Variants in CELF3 observed in about 807,000 individuals in gnomAD.
CELF3 encodes CAG repeat domain.
CELF3 carries 26 observed loss-of-function variants against 59.6 expected under a neutral mutation model. The ratio of observed to expected loss-of-function variants is 0.44; its 90% CI spans 0.32 to 0.61. CELF3 has a LOEUF of 0.61. Among genes scored for constraint, CELF3 ranks in the 20% least tolerant of loss-of-function variants. The pLI is 0.06. For missense variants in CELF3, 387 were observed against 627.2 expected (o/e 0.62, Z 4.09); for synonymous variants, 245 against 250.7 (o/e 0.98, Z 0.22).
Position 151,707,523 on chromosome 1 carries a change from G to A in CELF3, c.756C>T (p.Pro252=). Residue 252 remains proline, a synonymous_variant, in exon 7 of 13, where the codon CCC becomes CCT. Coordinates refer to ENST00000290583, the MANE Select transcript of CELF3 (RefSeq NM_007185.7). ...AGGCCATACCTGAGGATGGGGTGAT[G>A]GGGGTGGCGATGAGGCCATTGGCAT... ...AINANGLIAT[P]ITPSSGTSTP... 4 of 1,610,416 alleles carry A rather than the reference G, an allele frequency of 2.5e-6. No individual in the cohort carries two copies. The highest frequency in any genetic ancestry group is 3.4e-6 in the Non-Finnish European group (4 of 1,179,794).
chr1:151,710,705 G>A (rs747882671), intron 2 of CELF3: 48 of 456,314 alleles, frequency 1.1e-4, no homozygotes, highest in East Asian at 8.3e-4. Context: ...CCCTGTGCAC[G>A]GAAGTCCTCC....
At chr1:151,706,155 C>T (rs992261120) in intron 10 of CELF3, 69 bp downstream of exon 10, 18 of 1,609,472 alleles carry the variant, frequency 1.1e-5, no homozygotes, top group South Asian at 4.4e-5. Flanking sequence ...CTGGGCTCAG[C>T]GCGGGGTGAC....
rs1341503462 is a variant in CELF3 at position 151,706,509 on chromosome 1, G to T, written c.989-148C>A. The stretch of plus-strand genomic sequence containing the variant: ...GGAAGGAGCTGCCTCAGACCCCTGG[G>T]TGTGCTGCCCTTAAAGACCCCTCCC... On this transcript the variant is annotated intron_variant, in intron 9 of 12. Coordinates refer to ENST00000290583, the MANE Select transcript of CELF3 (RefSeq NM_007185.7). The T allele has an allele frequency of 1.0e-5, 12 of 1,169,406 alleles. 1 individual carries two copies. The East Asian group carries it at 2.6e-4, about 25-fold the overall frequency. 72.4% of individuals were successfully genotyped at this position (1,169,406 alleles called of 1,614,324 possible). A position where few individuals can be genotyped will look rare whatever the true frequency, so the allele number is the denominator to read the frequency against.
rs188307157 is a variant in CELF3, at chr1:151,705,172, G to T, written c.1271-4C>A. 2 of 1,611,486 alleles carry T rather than the reference G, an allele frequency of 1.2e-6. No homozygotes were observed. Among genetic ancestry groups the T allele is most frequent in the African/African-American group, 2.7e-5 (2 of 74,994 alleles). Reference sequence around the variant, plus strand: ...GGATTGTCGAAACTCACAAAGCCTGGGGTGAGAGGGGCATAAGGCCCGGCC... The same window carrying T: ...GGATTGTCGAAACTCACAAAGCCTGTGGTGAGAGGGGCATAAGGCCCGGCC... On this transcript the variant is annotated splice_polypyrimidine_tract_variant and splice_region_variant and intron_variant, in intron 11 of 12. Coordinates refer to ENST00000290583, the MANE Select transcript of CELF3 (RefSeq NM_007185.7). The surrounding 1 kb of genome is among the most constrained non-coding windows in gnomAD (Gnocchi z 5.1).
chr1:151,703,798 T>C (rs964063675), intron 12 of CELF3, among the ~76,000 whole-genome samples: 1 of 147,910 alleles, frequency 6.8e-6, no homozygotes, highest in Non-Finnish European at 1.5e-5. Context: ...GAGAAGGGGG[T>C]GCGTGTAAGA....
Position 151,702,849 on chromosome 1 carries a change from G to GTC in CELF3, c.*608_*609dup. ...GTCTTTTCCTCGTGAAAGGAGGAGG[G>GTC]TCTCTGTGGCTGACTGGCAGAGAGG... On this transcript the variant is annotated 3_prime_UTR_variant, in exon 13 of 13. Coordinates refer to ENST00000290583, the MANE Select transcript of CELF3 (RefSeq NM_007185.7). 1 of 230,306 alleles carries GTC rather than the reference G, an allele frequency of 4.3e-6. No homozygotes were observed. The highest frequency in any genetic ancestry group is 4.7e-5 in the Admixed American group (1 of 21,148). The allele number at this position is 230,306 out of a possible 1,614,324, so 14.3% of individuals were successfully genotyped here.
Position 151,716,049 on chromosome 1 carries a change from G to A in CELF3, c.-29C>T, listed in dbSNP as rs1242528379. The A allele has an allele frequency of 6.3e-7, 1 of 1,586,090 alleles. No homozygotes were observed. The highest frequency in any genetic ancestry group is 1.3e-5 in the African/African-American group (1 of 74,204). On this transcript the variant is annotated 5_prime_UTR_variant, in exon 1 of 13. Transcript: ENST00000290583. ...GGCGGCCCAGGAGGAGGGGCCGAGGGGAGCAGGGAGAGGCCCAAAGGCCAA... is the reference window on the plus strand; with the variant it reads ...GGCGGCCCAGGAGGAGGGGCCGAGGAGAGCAGGGAGAGGCCCAAAGGCCAA...
chr1:151,707,704 C>G (rs1336009868), intron 6 of CELF3, 56 bp from the exon 7 acceptor site: 1 of 1,598,804 alleles, frequency 6.3e-7, no homozygotes, highest in African/African-American at 1.3e-5. Context: ...GCCTGGCTCC[C>G]TCCCAGCCCG....
In CELF3 at chr1:151,706,446, C is replaced by T. The variant is rs573446245; in HGVS notation, c.989-85G>A. 1.3e-4 allele frequency: 180 copies of T among 1,398,148 alleles called. No individual in the cohort carries two copies. In the African/African-American group the frequency reaches 2.4e-3, roughly 19 times the overall value. 86.6% of individuals were successfully genotyped at this position (1,398,148 alleles called of 1,614,324 possible). ...CCAACCCTGTCTCCCTTCCCCTAGC[C>T]CAGGCCAGTGGCACCTGCAGGGCTG... On this transcript the variant is annotated intron_variant, in intron 9 of 12. Coordinates refer to ENST00000290583, the MANE Select transcript of CELF3 (RefSeq NM_007185.7).
intron 2 of CELF3, chr1:151,712,133 T>G (rs964635319): frequency 6.6e-6 from 1 of 152,022 alleles, no homozygotes; most frequent in African/African-American, 2.4e-5. Context: ...ACCTGCCCCC[T>G]CCCCTGAGTC....
intron 8 of CELF3, 52 bp from the exon 9 acceptor site, chr1:151,706,786 C>G: frequency 7.2e-7 from 1 of 1,383,284 alleles, no homozygotes; most frequent in East Asian, 2.5e-5. Flanking sequence ...CAGTGGGGGC[C>G]CTCAGTGCCT....
At position 151,708,980 on chromosome 1, in the gene CELF3, C is replaced by G. The variant is rs372416288; in HGVS notation, c.486+18G>C. On this transcript the variant is annotated intron_variant, in intron 5 of 12. Transcript: ENST00000290583. ...AGGGTGGGAAGGAGAGGCCCGGGGG[C>G]AGGGGAGTGGGGCTCACTGGCAGGG... 62 of 1,611,190 alleles carry G rather than the reference C, an allele frequency of 3.8e-5. No individual in the cohort carries two copies. Among genetic ancestry groups the G allele is most frequent in the Non-Finnish European group, 5.2e-5 (61 of 1,178,740 alleles).
intron 2 of CELF3, chr1:151,710,971 C>T (rs529775074): frequency 2.9e-4 from 110 of 385,620 alleles, no homozygotes; most frequent in African/African-American, 2.1e-3. Context: ...CCTGGTTGCC[C>T]CACTCATCTG....
At chr1:151,706,492 C>G in intron 9 of CELF3, 131 bp from the exon 10 acceptor site, 2 of 1,179,496 alleles carry the variant, frequency 1.7e-6, no homozygotes, top group Admixed American at 4.4e-5. Flanking sequence ...AGGGAAGGAG[C>G]TGCCTCAGAC....
Position 151,708,979 on chromosome 1 carries a change from G to T in CELF3, c.486+19C>A. The T allele has an allele frequency of 6.2e-7, 1 of 1,611,246 alleles. No homozygotes were observed. The highest frequency in any genetic ancestry group is 8.5e-7 in the Non-Finnish European group (1 of 1,178,586). ...CAGGGTGGGAAGGAGAGGCCCGGGG[G>T]CAGGGGAGTGGGGCTCACTGGCAGG... On this transcript the variant is annotated intron_variant, in intron 5 of 12. Coordinates refer to ENST00000290583, the MANE Select transcript of CELF3 (RefSeq NM_007185.7).
chr1:151,715,065 A>G (rs1673359134), intron 1 of CELF3, among the ~76,000 whole-genome samples: 1 of 151,142 alleles, frequency 6.6e-6, no homozygotes, highest in African/African-American at 2.4e-5. Context: ...CTCTTCTCCC[A>G]TTTTCCCTAT....
At position 151,708,419 on chromosome 1, in the gene CELF3, T is replaced by A. The variant is rs533575776; in HGVS notation, c.487-484A>T. ...AGCATTTGCAAGGATGATGGTAGAA[T>A]CCTAGAATCTCAAAGCTGGAAGGGG... On this transcript the variant is annotated intron_variant, in intron 5 of 12. Transcript: ENST00000290583. 2.3e-5 allele frequency: 4 copies of A among 175,716 alleles called. No individual in the cohort carries two copies. In the South Asian group the frequency reaches 5.9e-4, roughly 26 times the overall value. The allele number at this position is 175,716 out of a possible 1,614,324, so 10.9% of individuals were successfully genotyped here.
At chr1:151,712,795 G>A (rs2101475099) in intron 2 of CELF3, among the ~76,000 whole-genome samples, 1 of 152,278 alleles carries the variant, frequency 6.6e-6, no homozygotes, top group African/African-American at 2.4e-5. Context: ...AAGGAGAGGG[G>A]GCTAAATGTC....
intron 1 of CELF3, chr1:151,715,559 C>T: frequency 1.5e-6 from 2 of 1,305,908 alleles, no homozygotes; most frequent in Non-Finnish European, 2.0e-6. Context: ...TGCTTATCTC[C>T]CAAACCAGCT....
Sources: allele counts gnomAD v4.1 joint callset (sites outside exome capture counted in the v4.1 genomes callset), GRCh38; gene constraint gnomAD v4.1.1; non-coding constraint Gnocchi (gnomAD v3.1); transcripts MANE v1.5; gene names NCBI Gene and HGNC (gene_info 2026-07-23, HGNC 2026-07-21).